POLK: variants seen among roughly 807,000 people sequenced by gnomAD.
POLK encodes DNA polymerase kappa, also known as polymerase (DNA directed) kappa.
Under a neutral mutation model 94.0 loss-of-function variants are expected in POLK, and 76 were observed. The observed-to-expected ratio is 0.81, with a 90% CI of 0.67 to 0.98. The LOEUF is 0.98. POLK is among the 50% of genes least tolerant of loss of function. POLK has a pLI of 0.00. For synonymous variants in POLK, 349 were observed against 325.4 expected (o/e 1.07, Z -0.78); for missense variants, 954 against 1,010.1 (o/e 0.94, Z 0.75).
At chr5:75,562,937 T>C (rs1222576451) in intron 3 of POLK, among the ~76,000 whole-genome samples, 3 of 152,210 alleles carry the variant, frequency 2.0e-5, no homozygotes, top group African/African-American at 7.2e-5. Flanking sequence ...GATTTTCGCA[T>C]TGATGTTCAT....
At chr5:75,567,012 G>C (rs1398650949) in intron 3 of POLK, among the ~76,000 whole-genome samples, 2 of 152,194 alleles carry the variant, frequency 1.3e-5, no homozygotes, top group Non-Finnish European at 2.9e-5. Context: ...AGAAAGAAAA[G>C]AGTTCAGACA....
At chr5:75,563,437 A>G (rs1771096604) in intron 3 of POLK, among the ~76,000 whole-genome samples, 1 of 151,778 alleles carries the variant, frequency 6.6e-6, no homozygotes, top group Non-Finnish European at 1.5e-5. Context: ...GTCTTCTGCT[A>G]GCTGTTGAAT....
intron 11 of POLK, among the ~76,000 whole-genome samples, chr5:75,591,233 T>C (rs949029402): frequency 6.6e-5 from 10 of 152,258 alleles, no homozygotes; most frequent in East Asian, 1.9e-4. Context: ...TTATTTGATC[T>C]TTACAAAGAT....
chr5:75,589,611 A>T (rs1205686012), intron 10 of POLK, among the ~76,000 whole-genome samples: 1 of 151,956 alleles, frequency 6.6e-6, no homozygotes, highest in South Asian at 2.1e-4. Flanking sequence ...TATACGTGGA[A>T]TATTTCTAAG....
chr5:75,549,993 T>C (rs916235215), intron 2 of POLK, among the ~76,000 whole-genome samples: 1 of 152,062 alleles, frequency 6.6e-6, no homozygotes, highest in Non-Finnish European at 1.5e-5. Context: ...ATTAAAAATC[T>C]CCCCATCAAA....
chr5:75,511,013 C>G, upstream of POLK: 2 of 1,406,718 alleles, frequency 1.4e-6, no homozygotes, highest in Admixed American at 3.0e-5. Flanking sequence ...CACCCCGGCA[C>G]GTTCCGCGCC....
intron 6 of POLK, among the ~76,000 whole-genome samples, chr5:75,578,618 A>G (rs1772036326): frequency 6.6e-6 from 1 of 152,162 alleles, no homozygotes; most frequent in Admixed American, 6.5e-5. Context: ...TCATGTGTAA[A>G]TACCTGTGGG....
intron 4 of POLK, among the ~76,000 whole-genome samples, chr5:75,571,582 G>T (rs1385589561): frequency 6.6e-6 from 1 of 152,194 alleles, no homozygotes; most frequent in East Asian, 1.9e-4. Context: ...CGACTGAGGA[G>T]ATTGGAATGG....
At chr5:75,563,031 G>A (rs1771070175) in intron 3 of POLK, among the ~76,000 whole-genome samples, 1 of 152,222 alleles carries the variant, frequency 6.6e-6, no homozygotes, top group Non-Finnish European at 1.5e-5. Context: ...CTCATAAAAT[G>A]AGTTAGCGGG....
At chr5:75,605,726 G>A (rs1349836776), downstream of POLK, among the ~76,000 whole-genome samples, 1 of 152,098 alleles carries the variant, frequency 6.6e-6, no homozygotes, top group East Asian at 1.9e-4. Context: ...TAATACCTAA[G>A]ATAGGGAGTC....
At chr5:75,597,515 A>G (rs1773155957) in intron 13 of POLK, 2 of 415,734 alleles carry the variant, frequency 4.8e-6, no homozygotes, top group African/African-American at 4.1e-5. Context: ...AGCCTCTTTA[A>G]CTTATTTTTT....
At chr5:75,609,506 G>T in the POLK span, 1 of 152,092 alleles carries the variant, frequency 6.6e-6, no homozygotes, top group Non-Finnish European at 1.5e-5. Context: ...GCTTTCCATT[G>T]ATCTGCTGCT....
At chr5:75,586,839 T>TAAG (rs1772495909) in intron 9 of POLK, among the ~76,000 whole-genome samples, 187 bp from the exon 10 acceptor site, 1 of 152,172 alleles carries the variant, frequency 6.6e-6, no homozygotes, top group African/African-American at 2.4e-5. Flanking sequence ...TTCATAATCA[T>TAAG]ATTAGCATCT....
chr5:75,519,339 G>T (rs1480935073), intron 1 of POLK, among the ~76,000 whole-genome samples: 1 of 152,132 alleles, frequency 6.6e-6, no homozygotes, highest in Non-Finnish European at 1.5e-5. Flanking sequence ...TTCATATGCT[G>T]ATGAAAAGAT....
At chr5:75,600,874 GTA>G (rs1773281786) in exon 15 of POLK, 2 of 152,098 alleles carry the variant, frequency 1.3e-5, no homozygotes, top group Non-Finnish European at 2.9e-5. Context: ...TGTTTTAAGG[GTA>G]TATAGTTATA....
At chr5:75,595,335 G>T (rs1232267275) in intron 12 of POLK, among the ~76,000 whole-genome samples, 1 of 146,074 alleles carries the variant, frequency 6.8e-6, no homozygotes, top group Middle Eastern at 3.8e-3. Flanking sequence ...AAGCAAGCAC[G>T]ATGTCCTTCG....
intron 6 of POLK, among the ~76,000 whole-genome samples, chr5:75,579,159 G>C (rs1772068159): frequency 2.6e-5 from 4 of 152,138 alleles, no homozygotes; most frequent in Admixed American, 2.6e-4. Context: ...TGCTCTCACA[G>C]TGGCTCACCT....
intron 3 of POLK, among the ~76,000 whole-genome samples, chr5:75,568,094 C>A (rs1771377820): frequency 6.6e-6 from 1 of 152,160 alleles, no homozygotes; most frequent in South Asian, 2.1e-4. Context: ...CTATAGCTCT[C>A]CACCTTTGAG....
intron 3 of POLK, among the ~76,000 whole-genome samples, chr5:75,560,833 G>T (rs1392649883): frequency 1.3e-5 from 2 of 152,086 alleles, no homozygotes; most frequent in Non-Finnish European, 2.9e-5. Context: ...CCATGTCCCT[G>T]CAAAGGACAT....
Sources: allele counts gnomAD v4.1 joint callset (sites outside exome capture counted in the v4.1 genomes callset), GRCh38; gene constraint gnomAD v4.1.1; transcripts MANE v1.5; gene names NCBI Gene and HGNC (gene_info 2026-07-23, HGNC 2026-07-21).